The following ART5 variants were observed in gnomAD, a reference collection of about 807,000 sequenced individuals.
ART5 encodes the protein ADP-ribosyltransferase 5.
A neutral mutation model predicts 25.0 loss-of-function variants in ART5; 22 were observed. That is an observed-to-expected ratio of 0.88 (90% confidence interval 0.63 to 1.26). ART5 has a LOEUF of 1.26. Among genes scored for constraint, ART5 ranks in the 50% most tolerant of loss-of-function variants. The probability of loss-of-function intolerance (pLI) is 0.00; values close to 1 mark genes in which losing one functional copy is unlikely to be tolerated. For synonymous variants in ART5, 161 were observed against 154.8 expected, an observed-to-expected ratio of 1.04 and a Z score of -0.30; for missense variants, 402 against 372.8, an observed-to-expected ratio of 1.08 and a Z score of -0.64.
Position 3,639,828 on chromosome 11 carries a change from A to T in ART5, c.601T>A (p.Ser201Thr), listed in dbSNP as rs1421176061. 1 of 1,614,202 alleles carries T rather than the reference A, an allele frequency of 6.2e-7. No individual in the cohort carries two copies. The highest frequency in any genetic ancestry group is 1.7e-5 in the Admixed American group (1 of 60,030). ...GGGGCCCCAAAGCAAGTTGTTAGAG[A>T]GAAGAGGGTGGCATTACCAAATCTG... ...AHRFGNATLF[S>T]LTTCFGAPIQ... Residue 201 changes from serine (S) to threonine (T), a missense_variant, in exon 2 of 4, where the codon TCT becomes ACT. Coordinates refer to ENST00000397068, the MANE Select transcript of ART5 (RefSeq NM_053017.5).
rs185051843 is a variant in ART5 at position 3,641,037 on chromosome 11, G to A, written c.58-666C>T. Among the ~76,000 whole-genome samples, 15 of 152,126 alleles carry A rather than the reference G, an allele frequency of 9.9e-5. No homozygotes were observed. The East Asian group carries it at 1.5e-3, about 16-fold the overall frequency. ...GGATTACAGGAGTGAGCCACCGCGC[G>A]CAGGCTGAAATCTTGACTTTACCAC... On this transcript the variant is annotated intron_variant, in intron 1 of 3. Coordinates refer to ENST00000397068, the MANE Select transcript of ART5 (RefSeq NM_053017.5).
chr11:3,641,781 G>A (rs932097), intron 1 of ART5, 25 bp downstream of exon 1: 842,347 of 1,566,278 alleles, frequency 0.54, 233,759 homozygotes, highest in South Asian at 0.62. Context: ...CCCCCTTGGG[G>A]CTAGGAGATG....
chr11:3,639,332 A>G (rs1270912980), intron 2 of ART5, among the ~76,000 whole-genome samples: 1 of 152,178 alleles, frequency 6.6e-6, no homozygotes, highest in Non-Finnish European at 1.5e-5. Context: ...TGAGACCTGA[A>G]GCAGTCCCCT....
At chr11:3,641,743 C>T (rs957543509) in intron 1 of ART5, 63 bp downstream of exon 1, 1 of 1,547,644 alleles carries the variant, frequency 6.5e-7, no homozygotes. Flanking sequence ...GCCCCGGGTC[C>T]ACTTCCTCAG....
upstream of ART5, chr11:3,642,023 G>A: frequency 6.9e-7 from 1 of 1,439,116 alleles, no homozygotes. Flanking sequence ...GCGGGGCCTG[G>A]GAGTTTATTG....
intron 1 of ART5, 76 bp from the exon 2 acceptor site, chr11:3,640,447 C>T: frequency 6.8e-7 from 1 of 1,463,126 alleles, no homozygotes; most frequent in Non-Finnish European, 9.0e-7. Context: ...GGGGCAAACC[C>T]ATCCAGAAAC....
chr11:3,641,711 G>A, intron 1 of ART5, 95 bp downstream of exon 1: 1 of 1,531,904 alleles, frequency 6.5e-7, no homozygotes, highest in Non-Finnish European at 8.8e-7. Flanking sequence ...AAGAGTCCCT[G>A]GGAGAGGGAT....
chr11:3,639,414 C>A (rs117495296), intron 2 of ART5, among the ~76,000 whole-genome samples: 2 of 152,146 alleles, frequency 1.3e-5, no homozygotes, highest in Non-Finnish European at 2.9e-5. Context: ...AGCAGATGGA[C>A]CCTTTTGAGG....
At chr11:3,640,752 G>A (rs1451424481) in intron 1 of ART5, among the ~76,000 whole-genome samples, 1 of 151,580 alleles carries the variant, frequency 6.6e-6, no homozygotes, top group Non-Finnish European at 1.5e-5. Context: ...TTTTGTGTTT[G>A]TTTCTTTGAG....
chr11:3,638,871 CA>C, intron 3 of ART5, 78 bp from the exon 4 acceptor site: 1 of 1,613,326 alleles, frequency 6.2e-7, no homozygotes, highest in Non-Finnish European at 8.5e-7. Flanking sequence ...CAGAGTCTTC[CA>C]GGGGGGCAGA....
At position 3,639,762 on chromosome 11, in the gene ART5, G is replaced by C; in HGVS notation, c.667C>G (p.Leu223Val). The C allele has an allele frequency of 6.2e-7, 1 of 1,614,186 alleles. No individual in the cohort carries two copies. The highest frequency in any genetic ancestry group is 8.5e-7 in the Non-Finnish European group (1 of 1,180,038). Residue 223 changes from leucine (L) to valine (V), a missense_variant, in exon 2 of 4, where the codon CTG becomes GTG. Coordinates refer to ENST00000397068, the MANE Select transcript of ART5 (RefSeq NM_053017.5). ...AAAAAGACTTCATGGGGGGGAATCAGCACCTCGCGCTCCTTGGGAAAGACA... is the reference window on the plus strand; with the variant it reads ...AAAAAGACTTCATGGGGGGGAATCACCACCTCGCGCTCCTTGGGAAAGACA... ...FSVFPKEREV[L>V]IPPHEVFLVT...
chr11:3,641,772 C>G (rs1256710144), intron 1 of ART5, 34 bp downstream of exon 1: 12 of 1,561,878 alleles, frequency 7.7e-6, no homozygotes, highest in Non-Finnish European at 1.0e-5. Flanking sequence ...CCTTAATGTC[C>G]CCCTTGGGGC....
rs761014903 is a variant in ART5, at chr11:3,638,711, C to G, written c.*27G>C. On this transcript the variant is annotated 3_prime_UTR_variant, in exon 4 of 4. Transcript: ENST00000397068. ...CTGGTTGGGGAGAAGGCTGCTAGGG[C>G]TGGGTCCGGAACCATGTTCTTGCTT... 3.1e-6 allele frequency: 5 copies of G among 1,614,012 alleles called. No homozygotes were observed. Among genetic ancestry groups the G allele is most frequent in the Non-Finnish European group, 3.4e-6 (4 of 1,179,984 alleles).
chr11:3,638,547 T>C lies in ART5; in HGVS notation c.*191A>G. On this transcript the variant is annotated 3_prime_UTR_variant, in exon 4 of 4. Coordinates refer to ENST00000397068, the MANE Select transcript of ART5 (RefSeq NM_053017.5). ...AATACCATTTAATCACGTAGCTACC[T>C]CAATAAAACTCCATGTCTCCACATT... 1 of 654,738 alleles carries C rather than the reference T, an allele frequency of 1.5e-6. No homozygotes were observed. Among genetic ancestry groups the C allele is most frequent in the Non-Finnish European group, 2.7e-6 (1 of 373,312 alleles). 40.6% of individuals were successfully genotyped at this position (654,738 alleles called of 1,614,324 possible).
intron 1 of ART5, among the ~76,000 whole-genome samples, chr11:3,641,306 C>T (rs796655837): frequency 7.9e-5 from 12 of 152,300 alleles, no homozygotes; most frequent in African/African-American, 2.9e-4. Context: ...CAGCCAGTGT[C>T]CAGCTGCCTA....
At chr11:3,640,411 G>C in intron 1 of ART5, 40 bp from the exon 2 acceptor site, 1 of 1,539,626 alleles carries the variant, frequency 6.5e-7, no homozygotes, top group Non-Finnish European at 8.7e-7. Context: ...AAGAGCATAA[G>C]TTCAGAGCAC....
intron 3 of ART5, 49 bp from the exon 4 acceptor site, chr11:3,638,842 A>T: frequency 1.2e-6 from 2 of 1,613,800 alleles, no homozygotes; most frequent in Non-Finnish European, 1.7e-6. Flanking sequence ...GAGAGCTGGA[A>T]CTCTCCAGGG....
In ART5 at chr11:3,638,744, C is replaced by A. The variant is rs756925842; in HGVS notation, c.870G>T (p.Gln290His). 6.2e-7 allele frequency: 1 copy of A among 1,614,186 alleles called. No homozygotes were observed. The highest frequency in any genetic ancestry group is 8.5e-7 in the Non-Finnish European group (1 of 1,180,030). The change falls in exon 4 of 4, where the codon CAG (glutamine) becomes CAT (histidine). Residue 290 changes from glutamine to histidine, a missense_variant. Gln to His is a conservative substitution (Grantham distance 24). Transcript: ENST00000397068. ...GGAACCATGTTCTTGCTTCTCAAGG[C>A]TGCTGGAGGTGCCTCTTCGTCATAT... The part of the protein sequence containing the change: ...DLHMTKRHLQ[Q>H]P
Position 3,640,245 on chromosome 11 carries a change from C to T in ART5, c.184G>A (p.Ala62Thr), listed in dbSNP as rs1356817984. Residue 62 changes from alanine (A) to threonine (T), a missense_variant, in exon 2 of 4, where the codon GCC becomes ACC. Ala to Thr is a moderately conservative substitution (Grantham distance 58, BLOSUM62 0). Transcript: ENST00000397068. ...PLLKEEMAHH[A>T]LLRESWEAAQ... ...GCCTCCCAGGATTCCCGCAGCAGGG[C>T]ATGGTGGGCCATTTCCTCCTTTAGC... 2 of 1,613,684 alleles carry T rather than the reference C, an allele frequency of 1.2e-6. No homozygotes were observed. The highest frequency in any genetic ancestry group is 3.3e-5 in the Admixed American group (2 of 60,002).
Sources: allele counts gnomAD v4.1 joint callset (sites outside exome capture counted in the v4.1 genomes callset), GRCh38; gene constraint gnomAD v4.1.1; transcripts MANE v1.5; gene names NCBI Gene and HGNC (gene_info 2026-07-23, HGNC 2026-07-21).